Variants in SHD observed in about 807,000 individuals in gnomAD.
The protein encoded by SHD is Src homology 2 domain containing transforming protein D.
A neutral mutation model predicts 31.2 loss-of-function variants in SHD; 29 were observed. The ratio of observed to expected loss-of-function variants is 0.93; its 90% CI spans 0.69 to 1.27. The LOEUF is 1.27. Ranked by LOEUF, SHD falls within the 50% of genes most tolerant of loss-of-function variation. SHD has a pLI of 0.00. For missense variants in SHD, 520 were observed against 453.8 expected (o/e 1.15, Z -1.33); for synonymous variants, 208 against 187.8 (o/e 1.11, Z -0.88).
intron 4 of SHD, among the ~76,000 whole-genome samples, chr19:4,286,804 T>C (rs35025354): frequency 0.38 from 57,472 of 151,276 alleles, 11,223 homozygotes; most frequent in Admixed American, 0.49. Context: ...CTCTTGAACC[T>C]GCGAGGTGGA....
At chr19:4,281,399 T>C (rs923766331) in intron 1 of SHD, among the ~76,000 whole-genome samples, 2 of 137,626 alleles carry the variant, frequency 1.5e-5, no homozygotes, top group Admixed American at 8.2e-5. Flanking sequence ...CAGTGAGTCA[T>C]GATTGCGCCA....
At position 4,280,304 on chromosome 19, in the gene SHD, G is replaced by A. The variant is rs1326796849; in HGVS notation, c.241G>A (p.Val81Met). The A allele has an allele frequency of 6.2e-7, 1 of 1,607,868 alleles. No homozygotes were observed. The highest frequency in any genetic ancestry group is 8.5e-7 in the Non-Finnish European group (1 of 1,177,376). Residue 81 changes from valine (V) to methionine (M), a missense_variant, in exon 1 of 6, where the codon GTG (valine) becomes ATG (methionine). Coordinates refer to ENST00000543264, the MANE Select transcript of SHD (RefSeq NM_020209.4). ...TTCTCCCAAGCACCGGCTCATCAAG[G>A]TGGAGGCTGCGGATATGGCCAGAGC... is the stretch of plus-strand genomic sequence containing the variant. Reference protein sequence around the residue: ...YGSPKHRLIKVEAADMARAKA... With the variant: ...YGSPKHRLIKMEAADMARAKA...
rs568824000 is a variant in SHD at position 4,279,795 on chromosome 19, G to GC, written c.-269_-268insC. The GC allele has an allele frequency of 4.1e-3, 2,042 of 494,456 alleles. 29 individuals are homozygous for GC. The highest frequency in any genetic ancestry group is 0.029 in the African/African-American group (1,421 of 48,898). 30.6% of individuals were successfully genotyped at this position (494,456 alleles called of 1,614,324 possible). ...CGCGCGGGGTTCGGGGCCCTGCGAG[G>GC]TCCCCCCTTCCCCCGCGGTGCTTCC... On this transcript the variant is annotated 5_prime_UTR_variant, in exon 1 of 6. An upstream open reading frame in the 5' UTR loses its in-frame stop. Transcript: ENST00000543264. This position sits in a 1 kb window ranked among gnomAD's most constrained non-coding sequence, Gnocchi z 7.5.
rs1971291103 is a variant in SHD, at chr19:4,284,769, TCTC to T, written c.593-9_593-7del. ...TGGACTTAACCCTTTCCTCTCTAAA[TCTC>T]CTTTCCAGTGCAGTTTGACAGTCCA... On this transcript the variant is annotated splice_polypyrimidine_tract_variant and intron_variant, in intron 3 of 5. Transcript: ENST00000543264. 6.3e-7 allele frequency: 1 copy of T among 1,579,130 alleles called. No homozygotes were observed. The highest frequency in any genetic ancestry group is 1.7e-4 in the Middle Eastern group (1 of 5,924).
In SHD at chr19:4,280,182, T is replaced by C. The variant is rs1472009913; in HGVS notation, c.119T>C (p.Leu40Pro). 6.2e-7 allele frequency: 1 copy of C among 1,611,996 alleles called. No homozygotes were observed. Among genetic ancestry groups the C allele is most frequent in the Admixed American group, 1.7e-5 (1 of 59,744 alleles). The change falls in exon 1 of 6, where the codon CTG (leucine) becomes CCG (proline). Residue 40 changes from leucine (L) to proline (P), a missense_variant. Physicochemically the swap from Leu to Pro is moderately conservative, Grantham distance 98. Transcript: ENST00000543264. ...AGGGCCTACCGCGCGCAGAAGAACC[T>C]GGACTTCGAGGACCCCTATGAGGAC... Reference protein sequence around the residue: ...ILRAYRAQKNLDFEDPYEDAE... With the variant: ...ILRAYRAQKNPDFEDPYEDAE...
chr19:4,284,571 A>T (rs1971288940), intron 3 of SHD: 2 of 434,492 alleles, frequency 4.6e-6, no homozygotes, highest in Non-Finnish European at 7.8e-6. Context: ...CCTTGCCACC[A>T]GATTTATAAA....
At chr19:4,286,268 T>TTTCTTTCC (rs1971314406) in intron 4 of SHD, among the ~76,000 whole-genome samples, 1 of 120,806 alleles carries the variant, frequency 8.3e-6, no homozygotes, top group African/African-American at 3.0e-5. Context: ...TCTCTCTTTC[T>TTTCTTTCC]TTCTTTCTTT....
chr19:4,286,259 C>CTTTT (rs1319421416), intron 4 of SHD, among the ~76,000 whole-genome samples: 9 of 115,316 alleles, frequency 7.8e-5, no homozygotes, highest in African/African-American at 3.1e-4. Flanking sequence ...TTCTTTCTTT[C>CTTTT]TCTCTTTCTT....
intron 4 of SHD, 52 bp downstream of exon 4, chr19:4,284,956 T>G: frequency 6.9e-7 from 1 of 1,446,018 alleles, no homozygotes; most frequent in South Asian, 1.5e-5. Flanking sequence ...ATCTGTAGAC[T>G]CCAATGTATC....
Position 4,283,233 on chromosome 19 carries a change from G to A in SHD, c.583G>A (p.Ala195Thr), listed in dbSNP as rs1010231313. The A allele has an allele frequency of 2.5e-6, 4 of 1,611,836 alleles. No homozygotes were observed. Among genetic ancestry groups the A allele is most frequent in the Admixed American group, 1.7e-5 (1 of 59,934 alleles). The change falls in exon 3 of 6, where the codon GCG becomes ACG. Residue 195 changes from alanine to threonine, a missense_variant. Coordinates refer to ENST00000543264, the MANE Select transcript of SHD (RefSeq NM_020209.4). Reference protein sequence around the residue: ...WEWKKDHISRAFAVQFDSPEW... With the variant: ...WEWKKDHISRTFAVQFDSPEW... ...GTGGAAGAAAGACCACATCTCCAGG[G>A]CGTTTGCAGGTGCTTCTCAGACCCA...
intron 1 of SHD, among the ~76,000 whole-genome samples, chr19:4,281,000 G>A (rs1971251775): frequency 6.6e-6 from 1 of 151,252 alleles, no homozygotes; most frequent in Admixed American, 6.6e-5. Flanking sequence ...AAATAGATCT[G>A]AGTGAGTTGC....
chr19:4,282,897 C>T lies in SHD; in HGVS notation c.325C>T (p.Pro109Ser). The T allele has an allele frequency of 6.2e-7, 1 of 1,613,934 alleles. No individual in the cohort carries two copies. The highest frequency in any genetic ancestry group is 8.5e-7 in the Non-Finnish European group (1 of 1,179,986). Residue 109 changes from proline to serine, a missense_variant, in exon 2 of 6, where the codon CCC becomes TCC. Transcript: ENST00000543264. ...GGAAGCCGACACTGAGTATTTAGAC[C>T]CCTTTGATGCTCAGCCTCATCCTGC... ...ELEADTEYLDPFDAQPHPAPP... is the reference protein window; with the variant it reads ...ELEADTEYLDSFDAQPHPAPP...
intron 1 of SHD, among the ~76,000 whole-genome samples, chr19:4,282,608 C>G (rs995366387): frequency 6.6e-6 from 1 of 151,630 alleles, no homozygotes; most frequent in Non-Finnish European, 1.5e-5. Flanking sequence ...CCCAGCTACT[C>G]GGGAGGCTGA....
In SHD at chr19:4,290,496, C is replaced by T. The variant is rs1225744379; in HGVS notation, c.886C>T (p.Gln296Ter). 2 of 1,613,460 alleles carry T rather than the reference C, an allele frequency of 1.2e-6. No homozygotes were observed. Among genetic ancestry groups the T allele is most frequent in the African/African-American group, 1.3e-5 (1 of 74,884 alleles). ...GAAGTTCGCGCGGACCCGTGAGAAC[C>T]AGGTGGTGCTGGGCCAACACAGCGG... Reference protein sequence around the residue: ...HLKFARTRENQVVLGQHSGPF... With the variant: ...HLKFARTREN The change falls in exon 6 of 6, where the codon CAG becomes TAG. Residue 296 changes from glutamine to a stop codon, truncating the protein, a stop_gained. Coordinates refer to ENST00000543264, the MANE Select transcript of SHD (RefSeq NM_020209.4). LOFTEE classifies it low-confidence loss of function (END_TRUNC).
rs1971238850 is a variant in SHD, at chr19:4,279,943, C to T, written c.-121C>T. The T allele has an allele frequency of 3.9e-5, 49 of 1,248,676 alleles. No homozygotes were observed. The highest frequency in any genetic ancestry group is 5.2e-5 in the Non-Finnish European group (48 of 915,710). The allele number at this position is 1,248,676 out of a possible 1,614,324, so 77.3% of individuals were successfully genotyped here. A position where few individuals can be genotyped will look rare whatever the true frequency, so the allele number is the denominator to read the frequency against. The stretch of plus-strand genomic sequence containing the variant: ...CCGCCAAAGGGCGCACCTGATCTTT[C>T]TCATCCTTCCCTGCTCTTCCCTTCC... On this transcript the variant is annotated 5_prime_UTR_variant, in exon 1 of 6. Coordinates refer to ENST00000543264, the MANE Select transcript of SHD (RefSeq NM_020209.4). This position sits in a 1 kb window ranked among gnomAD's most constrained non-coding sequence, Gnocchi z 7.5.
chr19:4,286,054 G>C (rs1599514285), intron 4 of SHD, among the ~76,000 whole-genome samples: 1 of 150,980 alleles, frequency 6.6e-6, no homozygotes, highest in South Asian at 2.1e-4. Flanking sequence ...ACCACACCAG[G>C]CTAATTTTTG....
chr19:4,280,755 G>C (rs1971249604), intron 1 of SHD, among the ~76,000 whole-genome samples: 1 of 152,090 alleles, frequency 6.6e-6, no homozygotes, highest in Admixed American at 6.6e-5. Flanking sequence ...TCAAACTCCT[G>C]ACCTCAGGTG....
chr19:4,290,690 T>C lies in SHD; in HGVS notation c.*57T>C. The stretch of plus-strand genomic sequence containing the variant: ...GGCCCAGAATCGTATCCCAAAGCCC[T>C]CCCATGGCCTAGAAAATAAATAAGT... On this transcript the variant is annotated 3_prime_UTR_variant, in exon 6 of 6. Coordinates refer to ENST00000543264, the MANE Select transcript of SHD (RefSeq NM_020209.4). 1 of 1,478,562 alleles carries C rather than the reference T, an allele frequency of 6.8e-7. No homozygotes were observed. Among genetic ancestry groups the C allele is most frequent in the Non-Finnish European group, 9.1e-7 (1 of 1,101,568 alleles). The allele number at this position is 1,478,562 out of a possible 1,614,324, so 91.6% of individuals were successfully genotyped here.
At chr19:4,281,105 G>A (rs1599511227) in intron 1 of SHD, among the ~76,000 whole-genome samples, 1 of 152,044 alleles carries the variant, frequency 6.6e-6, no homozygotes, top group African/African-American at 2.4e-5. Context: ...CTCGCAGAAC[G>A]GTAGTGACTT....
Sources: gnomAD v4.1 joint callset for allele counts (sites outside exome capture counted in the v4.1 genomes callset) on GRCh38, gnomAD v4.1.1 for gene constraint, Gnocchi (gnomAD v3.1) non-coding constraint, MANE v1.5 for transcripts, NCBI Gene and HGNC (gene_info 2026-07-23, HGNC 2026-07-21) for gene names.